The following PIAS4 variants were observed in gnomAD, a reference collection of about 807,000 sequenced individuals.
PIAS4 encodes E3 SUMO-protein ligase PIAS4.
A neutral mutation model predicts 58.0 loss-of-function variants in PIAS4; 7 were observed. That is an observed-to-expected ratio of 0.12 (90% CI 0.07 to 0.23). PIAS4 has a LOEUF of 0.23. PIAS4 is among the 10% of genes least tolerant of loss of function. PIAS4 has a pLI of 1.00. For missense variants in PIAS4, 550 were observed against 709.5 expected (o/e 0.78, Z 2.55); for synonymous variants, 364 against 312.4 (o/e 1.17, Z -1.74).
At chr19:4,026,959 T>C (rs2040170862) in intron 3 of PIAS4, among the ~76,000 whole-genome samples, 1 of 151,760 alleles carries the variant, frequency 6.6e-6, no homozygotes, top group Admixed American at 6.6e-5. Flanking sequence ...GCCATTCTCC[T>C]GCCTCAGCCT....
rs963888894 is a variant in PIAS4 at position 4,013,556 on chromosome 19, G to A, written c.454+207G>A. On this transcript the variant is annotated intron_variant, in intron 2 of 10. Transcript: ENST00000262971. This position sits in a 1 kb window ranked among gnomAD's most constrained non-coding sequence, Gnocchi z 5.1. ...CCCTTGCTGTGTTACAAGTTACCCC[G>A]AAATGGAGCCACTGGAAGCAGGGGG... 1.3e-5 allele frequency among the ~76,000 whole-genome samples: 2 copies of A among 152,148 alleles called. No individual in the cohort carries two copies. The highest frequency in any genetic ancestry group is 4.8e-5 in the African/African-American group (2 of 41,432).
intron 7 of PIAS4, among the ~76,000 whole-genome samples, chr19:4,029,440 C>T (rs1426530527): frequency 6.6e-6 from 1 of 152,192 alleles, no homozygotes; most frequent in Non-Finnish European, 1.5e-5. Flanking sequence ...GCTGCGGGAC[C>T]TGGCGGGTCA....
Position 4,037,190 on chromosome 19 carries a change from C to A in PIAS4, c.1143-184C>A, listed in dbSNP as rs765485205. Among the ~76,000 whole-genome samples, 10 of 152,216 alleles carry A rather than the reference C, an allele frequency of 6.6e-5. No individual in the cohort carries two copies. The highest frequency in any genetic ancestry group is 1.2e-4 in the Non-Finnish European group (8 of 68,030). On this transcript the variant is annotated intron_variant, in intron 9 of 10. Transcript: ENST00000262971. The surrounding 1 kb of genome is among the most constrained non-coding windows in gnomAD (Gnocchi z 5.8). ...TGCAGACCTGCCTGGGGCTCAGCAC[C>A]TGCAGGGGCCTGAGGGCGGGGGAGG...
Position 4,032,210 on chromosome 19 carries a change from G to C in PIAS4, c.908-890G>C, listed in dbSNP as rs137904402. ...GAACGTCAGGACAGCTGGGGGGAGT[G>C]GGGGGGCAGGCTGGCACCATCACTC... is the stretch of plus-strand genomic sequence containing the variant. On this transcript the variant is annotated intron_variant, in intron 7 of 10. Coordinates refer to ENST00000262971, the MANE Select transcript of PIAS4 (RefSeq NM_015897.4). 3.6e-3 allele frequency among the ~76,000 whole-genome samples: 547 copies of C among 152,192 alleles called. 4 individuals carry two copies. Among genetic ancestry groups the C allele is most frequent in the African/African-American group, 0.013 (531 of 41,516 alleles).
chr19:4,020,119 T>C (rs542581900), intron 2 of PIAS4, among the ~76,000 whole-genome samples: 1 of 152,182 alleles, frequency 6.6e-6, no homozygotes, highest in South Asian at 2.1e-4. Context: ...GGTTTCACCA[T>C]GTTAGCCAGG....
chr19:4,019,672 C>T (rs1001319524), intron 2 of PIAS4, among the ~76,000 whole-genome samples: 3 of 152,194 alleles, frequency 2.0e-5, no homozygotes, highest in African/African-American at 7.2e-5. Flanking sequence ...GCCTGTGTGC[C>T]CCCCTCCCAA....
intron 3 of PIAS4, among the ~76,000 whole-genome samples, chr19:4,026,833 C>T (rs1237164370): frequency 6.6e-6 from 1 of 152,030 alleles, no homozygotes; most frequent in East Asian, 1.9e-4. Context: ...CAGGCGTGCA[C>T]CACCACACTC....
At chr19:4,015,883 C>A (rs1190300925) in intron 2 of PIAS4, among the ~76,000 whole-genome samples, 1 of 152,234 alleles carries the variant, frequency 6.6e-6, no homozygotes, top group Non-Finnish European at 1.5e-5. Flanking sequence ...TCACGCGGTG[C>A]GGAATGCTGG....
At position 4,037,916 on chromosome 19, in the gene PIAS4, G is replaced by T; in HGVS notation, c.*41G>T. ...CGACTTTCCTGGTGCTCACCACGCA[G>T]AGGGGCACGGGCCAGCCTCGGGCGC... On this transcript the variant is annotated 3_prime_UTR_variant, in exon 11 of 11. Coordinates refer to ENST00000262971, the MANE Select transcript of PIAS4 (RefSeq NM_015897.4). This position sits in a 1 kb window ranked among gnomAD's most constrained non-coding sequence, Gnocchi z 5.8. 1 of 1,554,100 alleles carries T rather than the reference G, an allele frequency of 6.4e-7. No homozygotes were observed. Among genetic ancestry groups the T allele is most frequent in the African/African-American group, 1.4e-5 (1 of 73,790 alleles).
intron 2 of PIAS4, among the ~76,000 whole-genome samples, chr19:4,014,522 G>A (rs2040031944): frequency 6.6e-6 from 1 of 152,188 alleles, no homozygotes; most frequent in Admixed American, 6.5e-5. Context: ...CTGTGTGCCT[G>A]GAGGTCTCTC....
At position 4,037,601 on chromosome 19, in the gene PIAS4, C is replaced by T. The variant is rs752247198; in HGVS notation, c.1274-15C>T. Reference sequence around the variant, plus strand: ...TGCATCCTAAGTACCTGCACCCTGTCCCTGTTGCCCGTAGGCCCCTCGGAC... The same window carrying T: ...TGCATCCTAAGTACCTGCACCCTGTTCCTGTTGCCCGTAGGCCCCTCGGAC... On this transcript the variant is annotated splice_polypyrimidine_tract_variant and intron_variant, in intron 10 of 10. Transcript: ENST00000262971. The surrounding 1 kb of genome is among the most constrained non-coding windows in gnomAD (Gnocchi z 5.8). The T allele has an allele frequency of 3.7e-6, 6 of 1,608,854 alleles. No individual in the cohort carries two copies. The highest frequency in any genetic ancestry group is 1.6e-4 in the Middle Eastern group (1 of 6,062).
At chr19:4,033,321 T>G in intron 8 of PIAS4, 99 bp from the exon 9 acceptor site, 2 of 1,332,198 alleles carry the variant, frequency 1.5e-6, no homozygotes, top group Admixed American at 2.1e-5. Flanking sequence ...GAGGCATGAG[T>G]GATTGGAGCG....
At chr19:4,029,529 C>G (rs1358883559) in intron 7 of PIAS4, among the ~76,000 whole-genome samples, 1 of 152,046 alleles carries the variant, frequency 6.6e-6, no homozygotes, top group East Asian at 1.9e-4. Flanking sequence ...TGGTGAGGCC[C>G]CGTTTAATCT....
At chr19:4,018,957 GGT>G (rs1019832133) in intron 2 of PIAS4, among the ~76,000 whole-genome samples, 1 of 152,078 alleles carries the variant, frequency 6.6e-6, no homozygotes, top group African/African-American at 2.4e-5. Context: ...TGTGCGCCGG[GGT>G]GTGTGTGGCC....
intron 3 of PIAS4, among the ~76,000 whole-genome samples, chr19:4,025,668 G>A (rs201611612): frequency 7.4e-5 from 2 of 26,866 alleles, no homozygotes; most frequent in Non-Finnish European, 2.3e-4. Context: ...CCAAGGTGGC[G>A]ACCTCGTCTT....
Position 4,013,362 on chromosome 19 carries a change from C to T in PIAS4, c.454+13C>T, listed in dbSNP as rs1399371403. On this transcript the variant is annotated intron_variant, in intron 2 of 10. Coordinates refer to ENST00000262971, the MANE Select transcript of PIAS4 (RefSeq NM_015897.4). This position sits in a 1 kb window ranked among gnomAD's most constrained non-coding sequence, Gnocchi z 5.1. The stretch of plus-strand genomic sequence containing the variant: ...CCCACCGAATTAGGTGAGTGGTCAC[C>T]CTGGGGAGGCTGCGACTGGAGGCTT... 2.5e-6 allele frequency: 4 copies of T among 1,601,698 alleles called. No individual in the cohort carries two copies. The highest frequency in any genetic ancestry group is 2.7e-5 in the African/African-American group (2 of 74,684).
In PIAS4 at chr19:4,037,723, C is replaced by T. The variant is rs1258390981; in HGVS notation, c.1381C>T (p.Pro461Ser). ...GGTGGGCAGCATGGAGAATGGGAAG[C>T]CGGGCGCCGATGTGGTGGACCTCAC... ...GPVGSMENGK[P>S]GADVVDLTLD... The change falls in exon 11 of 11, where the codon CCG becomes TCG. Residue 461 changes from proline to serine, a missense_variant. Pro to Ser is a moderately conservative substitution (Grantham distance 74). This residue lies in a region of PIAS4 where 188 missense variants were observed against 192.0 expected (regional missense o/e 0.98). Transcript: ENST00000262971. This position sits in a 1 kb window ranked among gnomAD's most constrained non-coding sequence, Gnocchi z 5.8. 6.2e-7 allele frequency: 1 copy of T among 1,611,486 alleles called. No homozygotes were observed. The highest frequency in any genetic ancestry group is 8.5e-7 in the Non-Finnish European group (1 of 1,179,420).
intron 7 of PIAS4, among the ~76,000 whole-genome samples, chr19:4,032,023 G>A (rs1284777327): frequency 2.6e-5 from 4 of 152,172 alleles, no homozygotes; most frequent in East Asian, 3.9e-4. Flanking sequence ...GAGCCAGCAC[G>A]TGGCTGCCAC....
At chr19:4,021,094 C>T (rs552497335) in intron 2 of PIAS4, among the ~76,000 whole-genome samples, 6 of 152,264 alleles carry the variant, frequency 3.9e-5, no homozygotes, top group South Asian at 2.1e-4. Flanking sequence ...CTTAGAGTTG[C>T]CAGTCCTTTC....
Sources: allele counts gnomAD v4.1 joint callset (sites outside exome capture counted in the v4.1 genomes callset), GRCh38; gene constraint gnomAD v4.1.1; regional missense constraint gnomAD v4.1.1; non-coding constraint Gnocchi (gnomAD v3.1); transcripts MANE v1.5; gene names NCBI Gene and HGNC (gene_info 2026-07-23, HGNC 2026-07-21).